Variants in PLCZ1 observed in about 807,000 individuals in gnomAD.
The protein encoded by PLCZ1 is 1-phosphatidylinositol 4,5-bisphosphate phosphodiesterase zeta-1.
A neutral mutation model predicts 76.8 loss-of-function variants in PLCZ1; 64 were observed. The ratio of observed to expected loss-of-function variants is 0.83; its 90% CI spans 0.68 to 1.03. The LOEUF is 1.03. PLCZ1 is among the 50% of genes least tolerant of loss of function. PLCZ1 has a pLI of 0.00. For synonymous variants in PLCZ1, 248 were observed against 230.8 expected (o/e 1.07, Z -0.68); for missense variants, 751 against 713.7 (o/e 1.05, Z -0.60).
At chr12:18,650,663 AATGT>A in the PLCZ1 span, among the ~76,000 whole-genome samples, 1 of 50,786 alleles carries the variant, frequency 2.0e-5, no homozygotes, top group African/African-American at 5.6e-5. Context: ...CTGGAATATA[AATGT>A]GTGTGTGTGT....
In PLCZ1 at chr12:18,723,505, T is replaced by C; in HGVS notation, c.173A>G (p.Glu58Gly). 1.2e-6 allele frequency: 2 copies of C among 1,612,748 alleles called. No homozygotes were observed. Among genetic ancestry groups the C allele is most frequent in the Non-Finnish European group, 1.7e-6 (2 of 1,179,392 alleles). ...DRLKQGRITI[E>G]EFRAIYRIIT... ...AATTCGATAAATTGCTCTAAATTCT[T>C]CTATGGTGATTCTTCCTTGTTTCAG... Residue 58 changes from glutamate (E) to glycine (G), a missense_variant, in exon 4 of 15, where the codon GAA becomes GGA. Coordinates refer to ENST00000266505, the MANE Select transcript of PLCZ1 (RefSeq NM_033123.4).
intron 10 of PLCZ1, among the ~76,000 whole-genome samples, chr12:18,696,527 AAATT>A (rs1181431622): frequency 1.3e-5 from 2 of 151,556 alleles, no homozygotes; most frequent in African/African-American, 4.8e-5. Context: ...TTCAAGGAAA[AAATT>A]GATTAGATAA....
In PLCZ1 at chr12:18,712,924, G is replaced by A. The variant is rs199690574; in HGVS notation, c.632C>T (p.Pro211Leu). Reference protein sequence around the residue: ...IDCWDGAQNEPVVYHGYTLTS... With the variant: ...IDCWDGAQNELVVYHGYTLTS... ...GAGTGTGTAGCCATGATATACAACAGGTTCATTTTGTGCTCCATCCCAGCA... is the reference window on the plus strand; with the variant it reads ...GAGTGTGTAGCCATGATATACAACAAGTTCATTTTGTGCTCCATCCCAGCA... Residue 211 changes from proline (P) to leucine (L), a missense_variant, in exon 6 of 15, where the codon CCT becomes CTT. Physicochemically the swap from Pro to Leu is moderately conservative, Grantham distance 98 (BLOSUM62 -3). Coordinates refer to ENST00000266505, the MANE Select transcript of PLCZ1 (RefSeq NM_033123.4). 2 of 1,613,916 alleles carry A rather than the reference G, an allele frequency of 1.2e-6. No individual in the cohort carries two copies. The highest frequency in any genetic ancestry group is 8.5e-7 in the Non-Finnish European group (1 of 1,179,866).
the PLCZ1 span, among the ~76,000 whole-genome samples, chr12:18,662,050 C>T: frequency 6.6e-6 from 1 of 152,026 alleles, no homozygotes; most frequent in Non-Finnish European, 1.5e-5. Flanking sequence ...TGCGTGTTCT[C>T]CCGTATTAAG....
At chr12:18,732,367 G>C (rs565328811) in intron 3 of PLCZ1, among the ~76,000 whole-genome samples, 11 of 152,188 alleles carry the variant, frequency 7.2e-5, no homozygotes, top group Non-Finnish European at 1.6e-4. Flanking sequence ...GTACAGACTG[G>C]TCTCGAACTC....
intron 9 of PLCZ1, among the ~76,000 whole-genome samples, chr12:18,700,538 A>AAAAAAAGG (rs1370935394): frequency 2.8e-4 from 38 of 135,908 alleles, no homozygotes; most frequent in Middle Eastern, 3.5e-3. Flanking sequence ...AAAAAAAAAT[A>AAAAAAAGG]GTTGCTCTGC....
the PLCZ1 span, among the ~76,000 whole-genome samples, chr12:18,650,726 A>C: frequency 7.0e-3 from 151 of 21,492 alleles, 1 homozygote; most frequent in Middle Eastern, 0.023. Context: ...ATATATATAT[A>C]TATATATATA....
chr12:18,706,474 G>T (rs569833576), intron 6 of PLCZ1, among the ~76,000 whole-genome samples: 1 of 152,264 alleles, frequency 6.6e-6, no homozygotes, highest in African/African-American at 2.4e-5. Context: ...AAAACTCATT[G>T]TTTTAGAATT....
chr12:18,715,280 A>C (rs888854320), intron 5 of PLCZ1, among the ~76,000 whole-genome samples: 1 of 150,582 alleles, frequency 6.6e-6, no homozygotes, highest in African/African-American at 2.4e-5. Context: ...CTGATGAGGA[A>C]GTAAGGCTTT....
intron 5 of PLCZ1, among the ~76,000 whole-genome samples, chr12:18,715,194 A>AGG (rs1423033291): frequency 1.0e-3 from 3 of 2,978 alleles, no homozygotes; most frequent in Non-Finnish European, 3.4e-3. Context: ...GGAGGGAGGG[A>AGG]GAGAGAGAGA....
the PLCZ1 span, among the ~76,000 whole-genome samples, chr12:18,674,738 A>G: frequency 1.3e-5 from 2 of 152,130 alleles, no homozygotes; most frequent in African/African-American, 4.8e-5. Flanking sequence ...TCTAACTAAC[A>G]CGATAGAGTG....
chr12:18,725,134 G>A (rs1958676892), intron 3 of PLCZ1, among the ~76,000 whole-genome samples: 1 of 152,012 alleles, frequency 6.6e-6, no homozygotes, highest in Non-Finnish European at 1.5e-5. Flanking sequence ...TCAAATTACA[G>A]AAAAATGAAA....
chr12:18,690,209 T>C (rs12306825), intron 12 of PLCZ1, among the ~76,000 whole-genome samples: 4,944 of 151,970 alleles, frequency 0.033, 127 homozygotes, highest in South Asian at 0.089. Context: ...CACATCTGTT[T>C]TTTGTTTGTT....
At chr12:18,660,161 A>T in the PLCZ1 span, among the ~76,000 whole-genome samples, 1 of 152,072 alleles carries the variant, frequency 6.6e-6, no homozygotes, top group Admixed American at 6.6e-5. Context: ...CTGGATAGTA[A>T]ATTTCAGTAC....
At chr12:18,668,145 T>C in the PLCZ1 span, among the ~76,000 whole-genome samples, 1 of 152,150 alleles carries the variant, frequency 6.6e-6, no homozygotes, top group Admixed American at 6.6e-5. Context: ...CTCTGTCTCA[T>C]AGGGACTAGC....
chr12:18,727,769 T>C (rs2150743667), intron 3 of PLCZ1, among the ~76,000 whole-genome samples: 1 of 152,268 alleles, frequency 6.6e-6, no homozygotes, highest in South Asian at 2.1e-4. Flanking sequence ...CTGGCAGCAG[T>C]GTAGAAGGTA....
the PLCZ1 span, among the ~76,000 whole-genome samples, chr12:18,672,456 C>T: frequency 2.4e-3 from 372 of 151,986 alleles, 1 homozygote; most frequent in Admixed American, 3.1e-3. Context: ...AGTCAAATGA[C>T]TTGAAAAAAA....
intron 3 of PLCZ1, among the ~76,000 whole-genome samples, chr12:18,729,698 A>C (rs2150750572): frequency 6.6e-6 from 1 of 152,258 alleles, no homozygotes; most frequent in South Asian, 2.1e-4. Context: ...AATGCTATAA[A>C]GACTATTGCA....
intron 6 of PLCZ1, among the ~76,000 whole-genome samples, chr12:18,712,091 C>T (rs554890625): frequency 3.6e-4 from 54 of 152,022 alleles, no homozygotes; most frequent in Non-Finnish European, 2.4e-4. Context: ...GTACACATTA[C>T]ACAGTTTTAG....
Sources: allele counts gnomAD v4.1 joint callset (sites outside exome capture counted in the v4.1 genomes callset), GRCh38; gene constraint gnomAD v4.1.1; transcripts MANE v1.5; gene names NCBI Gene and HGNC (gene_info 2026-07-23, HGNC 2026-07-21).